MAPK6: variants seen among roughly 807,000 people sequenced by gnomAD.
MAPK6 encodes the protein ERK-3.
MAPK6 carries 19 observed loss-of-function variants against 59.3 expected under a neutral mutation model. That is an observed-to-expected ratio of 0.32 (90% CI 0.22 to 0.47). The LOEUF is 0.47. Ranked by LOEUF, MAPK6 falls within the 20% of genes least tolerant of loss-of-function variation. The pLI is 1.00. For synonymous variants in MAPK6, 316 were observed against 290.3 expected, an observed-to-expected ratio of 1.09 and a Z score of -0.90; for missense variants, 724 against 847.9, an observed-to-expected ratio of 0.85 and a Z score of 1.81.
chr15:52,050,505 A>G (rs779831364), intron 3 of MAPK6, among the ~76,000 whole-genome samples: 9 of 152,198 alleles, frequency 5.9e-5, no homozygotes, highest in Admixed American at 2.0e-4. Context: ...TCCCCCTATA[A>G]ACAACCAAAC....
chr15:51,972,958 A>G (rs2057141364), intron 1 of MAPK6, among the ~76,000 whole-genome samples: 1 of 151,818 alleles, frequency 6.6e-6, no homozygotes, highest in African/African-American at 2.4e-5. Context: ...GCAGTGAGCT[A>G]TGATCACGCC....
chr15:51,995,105 C>T (rs1259056191), intron 2 of MAPK6, among the ~76,000 whole-genome samples: 1 of 152,042 alleles, frequency 6.6e-6, no homozygotes. Context: ...AGGATGTTTG[C>T]TAGGGAGTGT....
chr15:52,007,359 T>G (rs2029923129), intron 3 of MAPK6, among the ~76,000 whole-genome samples: 2 of 152,162 alleles, frequency 1.3e-5, no homozygotes, highest in Non-Finnish European at 1.5e-5. Flanking sequence ...ACTGGCTACA[T>G]AATTTCTGGG....
intron 2 of MAPK6, among the ~76,000 whole-genome samples, chr15:52,048,577 C>T (rs1291933397): frequency 4.6e-5 from 7 of 152,172 alleles, no homozygotes; most frequent in Non-Finnish European, 1.0e-4. Flanking sequence ...CAATGCACTC[C>T]AGCCTGGGCA....
chr15:52,029,345 CT>C (rs2030938396), intron 1 of MAPK6, among the ~76,000 whole-genome samples: 1 of 152,278 alleles, frequency 6.6e-6, no homozygotes, highest in Non-Finnish European at 1.5e-5. Context: ...GGCTTCTCTC[CT>C]TTACCTGCCT....
At chr15:52,026,966 C>G (rs954621772) in intron 1 of MAPK6, among the ~76,000 whole-genome samples, 2 of 151,828 alleles carry the variant, frequency 1.3e-5, no homozygotes, top group African/African-American at 4.8e-5. Flanking sequence ...AGGAGAATCG[C>G]TTGAACCCAG....
Position 52,065,030 on chromosome 15 carries a change from C to T in MAPK6, c.*30C>T, listed in dbSNP as rs150964739. 66,135 of 1,534,914 alleles carry T rather than the reference C, an allele frequency of 0.043. 1,662 individuals carry two copies. The highest frequency in any genetic ancestry group is 0.051 in the Non-Finnish European group (58,168 of 1,138,416). ...CTCAGCAGACATTTATCTTTGTATT[C>T]TTCATGAAATGTGTTTTGTCTTTTT... On this transcript the variant is annotated 3_prime_UTR_variant, in exon 6 of 6. Transcript: ENST00000261845.
intron 1 of MAPK6, among the ~76,000 whole-genome samples, chr15:51,973,964 C>T (rs949598767): frequency 3.3e-5 from 5 of 151,750 alleles, no homozygotes; most frequent in African/African-American, 1.2e-4. Flanking sequence ...GTTTTGGTTA[C>T]ACTTTATGCT....
chr15:52,022,924 A>G (rs1201112215), intron 1 of MAPK6, among the ~76,000 whole-genome samples: 1 of 152,018 alleles, frequency 6.6e-6, no homozygotes, highest in East Asian at 1.9e-4. Context: ...CCTGGCCAAC[A>G]TGGTGAAACC....
chr15:52,063,789 C>A (rs2032300840), intron 5 of MAPK6, 113 bp from the exon 6 acceptor site: 7 of 829,794 alleles, frequency 8.4e-6, no homozygotes, highest in Non-Finnish European at 1.0e-5. Context: ...ATTTACTCTC[C>A]TATAATTATC....
At chr15:52,037,599 C>T (rs1052782112) in intron 1 of MAPK6, among the ~76,000 whole-genome samples, 3 of 152,140 alleles carry the variant, frequency 2.0e-5, no homozygotes, top group African/African-American at 7.2e-5. Flanking sequence ...TGAAGTGTTT[C>T]ATTTCTTCAT....
At chr15:52,026,346 C>T (rs1175831095) in intron 1 of MAPK6, among the ~76,000 whole-genome samples, 1 of 152,138 alleles carries the variant, frequency 6.6e-6, no homozygotes, top group Non-Finnish European at 1.5e-5. Flanking sequence ...GGTTGGAGTG[C>T]AATGGTGTGA....
In MAPK6 at chr15:52,066,433, T is replaced by A. The variant is rs2032423899; in HGVS notation, c.*1433T>A. Reference sequence around the variant, plus strand: ...GAATGGAATAAAGCTTTATAATATTTCAAAACTGTTAGGTAAAATGTGTAG... The same window carrying A: ...GAATGGAATAAAGCTTTATAATATTACAAAACTGTTAGGTAAAATGTGTAG... On this transcript the variant is annotated 3_prime_UTR_variant, in exon 6 of 6. Coordinates refer to ENST00000261845, the MANE Select transcript of MAPK6 (RefSeq NM_002748.4). The A allele has an allele frequency of 6.6e-6, 1 of 152,140 alleles. No individual in the cohort carries two copies. The highest frequency in any genetic ancestry group is 1.5e-5 in the Non-Finnish European group (1 of 68,004). The allele number at this position is 152,140 out of a possible 1,614,324, so 9.4% of individuals were successfully genotyped here.
intron 1 of MAPK6, among the ~76,000 whole-genome samples, chr15:52,045,106 G>C (rs1157181243): frequency 6.6e-6 from 1 of 151,958 alleles, no homozygotes; most frequent in Non-Finnish European, 1.5e-5. Flanking sequence ...AAATGGCCGG[G>C]TCATAGAGTA....
intron 1 of MAPK6, among the ~76,000 whole-genome samples, chr15:52,029,102 A>T (rs888591587): frequency 2.0e-5 from 3 of 152,200 alleles, no homozygotes; most frequent in African/African-American, 7.2e-5. Flanking sequence ...CAGTGGCGCA[A>T]TATTGGCTCA....
chr15:52,056,958 A>G (rs1286547130), intron 3 of MAPK6: 1 of 152,234 alleles, frequency 6.6e-6, no homozygotes, highest in Non-Finnish European at 1.5e-5. Context: ...TAACCTACCC[A>G]GAACTGGGCC....
intron 1 of MAPK6, among the ~76,000 whole-genome samples, chr15:52,029,322 T>A (rs535191706): frequency 5.2e-4 from 79 of 152,294 alleles, no homozygotes; most frequent in Non-Finnish European, 9.3e-4. Context: ...TGTTTTTTTT[T>A]AATTATTAAA....
chr15:51,985,402 C>A (rs929905783), intron 2 of MAPK6, among the ~76,000 whole-genome samples: 3 of 152,018 alleles, frequency 2.0e-5, no homozygotes, highest in African/African-American at 7.3e-5. Flanking sequence ...CATCTACAAT[C>A]CCAACACTTT....
At chr15:51,991,180 CATAT>C (rs1555395350) in intron 2 of MAPK6, among the ~76,000 whole-genome samples, 1 of 142,964 alleles carries the variant, frequency 7.0e-6, no homozygotes, top group African/African-American at 2.8e-5. Context: ...CACACACACA[CATAT>C]ATATATGTAT....
Sources: allele counts gnomAD v4.1 joint callset (sites outside exome capture counted in the v4.1 genomes callset), GRCh38; gene constraint gnomAD v4.1.1; transcripts MANE v1.5; gene names NCBI Gene and HGNC (gene_info 2026-07-23, HGNC 2026-07-21).